Variants in ACSBG1 observed in about 807,000 individuals in gnomAD.
ACSBG1 encodes the protein acyl-CoA synthetase bubblegum family member 1, also known as long-chain-fatty-acid--CoA ligase ACSBG1.
Under a neutral mutation model 80.2 loss-of-function variants are expected in ACSBG1, and 39 were observed. The ratio of observed to expected loss-of-function variants is 0.49; its 90% confidence interval spans 0.38 to 0.64. ACSBG1 has a LOEUF of 0.64. Ranked by LOEUF, ACSBG1 falls within the 30% of genes least tolerant of loss-of-function variation. The pLI is 0.00. For synonymous variants in ACSBG1, 392 were observed against 379.5 expected, an observed-to-expected ratio of 1.03 and a Z score of -0.38; for missense variants, 828 against 966.4, an observed-to-expected ratio of 0.86 and a Z score of 1.90.
At chr15:78,225,434 A>AAT (rs779101621) in intron 1 of ACSBG1, among the ~76,000 whole-genome samples, 2,116 of 133,104 alleles carry the variant, frequency 0.016, 46 homozygotes, top group African/African-American at 0.056. Flanking sequence ...TAAATAAATA[A>AAT]AAATAAATTA....
At chr15:78,197,674 G>A (rs7166938) in intron 2 of ACSBG1, among the ~76,000 whole-genome samples, 93,102 of 146,972 alleles carry the variant, frequency 0.63, 31,117 homozygotes, top group East Asian at 0.77. Flanking sequence ...AGCTGAGATC[G>A]CACCACTGCC....
chr15:78,215,743 AAAGAAAG>A (rs1156524176), intron 1 of ACSBG1, among the ~76,000 whole-genome samples: 18 of 101,462 alleles, frequency 1.8e-4, no homozygotes, highest in Non-Finnish European at 3.0e-4. Flanking sequence ...AGAAAGAAAG[AAAGAAAG>A]AAAGAAAGAA....
At chr15:78,179,884 A>G in intron 9 of ACSBG1, 104 bp from the exon 10 acceptor site, 1 of 1,004,760 alleles carries the variant, frequency 1.0e-6, no homozygotes, top group Admixed American at 2.2e-5. Flanking sequence ...TTCAGTGAGA[A>G]CACCCTGGCT....
chr15:78,204,660 T>C (rs1316734463), intron 2 of ACSBG1, among the ~76,000 whole-genome samples: 1 of 152,236 alleles, frequency 6.6e-6, no homozygotes, highest in Non-Finnish European at 1.5e-5. Flanking sequence ...ACTCATTTCC[T>C]CTGACCCTTG....
chr15:78,227,329 T>G (rs1417888081), intron 1 of ACSBG1, among the ~76,000 whole-genome samples: 1 of 142,332 alleles, frequency 7.0e-6, no homozygotes, highest in Non-Finnish European at 1.5e-5. Context: ...ATAACCAGAA[T>G]ATATAAAGAA....
chr15:78,217,865 C>T (rs1211264848), intron 1 of ACSBG1, among the ~76,000 whole-genome samples: 6 of 152,184 alleles, frequency 3.9e-5, no homozygotes, highest in African/African-American at 1.4e-4. Flanking sequence ...CGCACCCGGC[C>T]TGGAAAATGT....
chr15:78,199,841 T>C (rs1015910097), intron 2 of ACSBG1, among the ~76,000 whole-genome samples: 2 of 152,054 alleles, frequency 1.3e-5, no homozygotes, highest in African/African-American at 4.8e-5. Flanking sequence ...ACCTAGCCAT[T>C]AGCCAAATCA....
intron 1 of ACSBG1, among the ~76,000 whole-genome samples, chr15:78,233,682 A>C (rs1344762322): frequency 6.6e-6 from 1 of 152,054 alleles, no homozygotes; most frequent in East Asian, 1.9e-4. Flanking sequence ...GGGGTCCTGG[A>C]GTTCCGTGTG....
At chr15:78,189,248 T>C (rs1282047235) in intron 5 of ACSBG1, among the ~76,000 whole-genome samples, 1 of 149,870 alleles carries the variant, frequency 6.7e-6, no homozygotes, top group Admixed American at 6.6e-5. Flanking sequence ...TCAACCCTTG[T>C]GGAAGTCAGT....
In ACSBG1 at chr15:78,182,080, C is replaced by G. The variant is rs756109988; in HGVS notation, c.960G>C (p.Glu320Asp). Residue 320 changes from glutamate to aspartate, a missense_variant, in exon 8 of 14, where the codon GAG becomes GAC. Coordinates refer to ENST00000258873, the MANE Select transcript of ACSBG1 (RefSeq NM_015162.5). Reference sequence around the variant, plus strand: ...TGAGGGGCAGGTAGCTGACTACCACCTCCTGCTGGACTTCTGCCGGCCGGA... The same window carrying G: ...TGAGGGGCAGGTAGCTGACTACCACGTCCTGCTGGACTTCTGCCGGCCGGA... ...GDIRPAEVQQEVVVSYLPLSH... is the reference protein window; with the variant it reads ...GDIRPAEVQQDVVVSYLPLSH... The G allele has an allele frequency of 6.2e-7, 1 of 1,613,702 alleles. No individual in the cohort carries two copies. Among genetic ancestry groups the G allele is most frequent in the East Asian group, 2.2e-5 (1 of 44,884 alleles).
intron 2 of ACSBG1, among the ~76,000 whole-genome samples, chr15:78,204,344 G>C (rs554931345): frequency 1.3e-5 from 2 of 152,364 alleles, no homozygotes; most frequent in Non-Finnish European, 2.9e-5. Context: ...GTAAAGGTGA[G>C]CATGCTCAGG....
chr15:78,171,593 G>T, intron 13 of ACSBG1, 64 bp from the exon 14 acceptor site: 3 of 1,353,044 alleles, frequency 2.2e-6, no homozygotes, highest in Non-Finnish European at 3.2e-6. Flanking sequence ...AATGTGTGTG[G>T]TAAAGACTCA....
chr15:78,187,050 A>C (rs2075011327), intron 5 of ACSBG1, among the ~76,000 whole-genome samples: 2 of 152,224 alleles, frequency 1.3e-5, no homozygotes, highest in Non-Finnish European at 2.9e-5. Context: ...AAACACCTCT[A>C]CTCAAATAAA....
rs1244493306 is a variant in ACSBG1 at position 78,188,034 on chromosome 15, GACAA to G, written c.664-5253_664-5250del. ...CAAGCATTCTTATACCCCAATAACA[GACAA>G]ACAGAGAGTCAAATCATGCGTGAAC... is the stretch of plus-strand genomic sequence containing the variant. On this transcript the variant is annotated intron_variant, in intron 5 of 13. Transcript: ENST00000258873. 2.0e-5 allele frequency among the ~76,000 whole-genome samples: 3 copies of G among 152,220 alleles called. No homozygotes were observed. In the East Asian group the frequency reaches 5.8e-4, roughly 29 times the overall value.
chr15:78,233,436 T>C (rs2075465570), intron 1 of ACSBG1, among the ~76,000 whole-genome samples: 2 of 152,168 alleles, frequency 1.3e-5, no homozygotes, highest in Admixed American at 1.3e-4. Context: ...TCCTCCCCAT[T>C]ACTACAGAGG....
chr15:78,225,704 A>G (rs966032079), intron 1 of ACSBG1, among the ~76,000 whole-genome samples: 8 of 152,160 alleles, frequency 5.3e-5, no homozygotes, highest in African/African-American at 1.9e-4. Flanking sequence ...TACATTTTAC[A>G]TAGAAGTACA....
chr15:78,221,753 A>G (rs552978008), intron 1 of ACSBG1, among the ~76,000 whole-genome samples: 2 of 152,244 alleles, frequency 1.3e-5, no homozygotes, highest in South Asian at 2.1e-4. Context: ...TCTGCAGTAC[A>G]TCGTGTCCCT....
At chr15:78,231,181 C>T (rs936996317) in intron 1 of ACSBG1, among the ~76,000 whole-genome samples, 1 of 152,088 alleles carries the variant, frequency 6.6e-6, no homozygotes, top group African/African-American at 2.4e-5. Flanking sequence ...AGTGCAATGG[C>T]ACGATCTCAG....
intron 9 of ACSBG1, 64 bp from the exon 10 acceptor site, chr15:78,179,844 T>C (rs58092270): frequency 0.13 from 84,989 of 643,982 alleles, 3,583 homozygotes; most frequent in East Asian, 0.17. Context: ...CACACACACA[T>C]ACACACATTA....
Sources: allele counts gnomAD v4.1 joint callset (sites outside exome capture counted in the v4.1 genomes callset), GRCh38; gene constraint gnomAD v4.1.1; transcripts MANE v1.5; gene names NCBI Gene and HGNC (gene_info 2026-07-23, HGNC 2026-07-21).